The following SMURF1 variants were observed in gnomAD, a reference collection of about 807,000 sequenced individuals.
The protein encoded by SMURF1 is E3 ubiquitin-protein ligase SMURF1.
SMURF1 carries 44 observed loss-of-function variants against 98.0 expected under a neutral mutation model. That is an observed-to-expected ratio of 0.45 (90% confidence interval 0.35 to 0.58). The LOEUF is 0.58. Among genes scored for constraint, SMURF1 ranks in the 20% least tolerant of loss-of-function variants. The pLI, the probability that SMURF1 is intolerant of heterozygous loss-of-function variation, is 0.00. For missense variants in SMURF1, 687 were observed against 938.4 expected (o/e 0.73, Z 3.50); for synonymous variants, 396 against 374.9 (o/e 1.06, Z -0.65).
At chr7:99,127,457 C>T (rs747957881) in intron 1 of SMURF1, among the ~76,000 whole-genome samples, 2 of 151,772 alleles carry the variant, frequency 1.3e-5, no homozygotes, top group Non-Finnish European at 2.9e-5. Context: ...TTTGGAAGGC[C>T]GAGATGGGAG....
At chr7:99,032,619 A>C (rs1794949030) in intron 17 of SMURF1, among the ~76,000 whole-genome samples, 1 of 152,264 alleles carries the variant, frequency 6.6e-6, no homozygotes, top group Non-Finnish European at 1.5e-5. Context: ...CAGTGAGCCG[A>C]GATCGTGCCA....
intron 1 of SMURF1, among the ~76,000 whole-genome samples, chr7:99,133,642 G>C (rs1797923720): frequency 6.6e-6 from 1 of 152,150 alleles, no homozygotes. Flanking sequence ...CCACAGTCCA[G>C]TGACTCTACT....
At chr7:99,047,534 CAGAA>C (rs1795622967) in intron 10 of SMURF1, 146 bp downstream of exon 10, 5 of 767,864 alleles carry the variant, frequency 6.5e-6, no homozygotes, top group Non-Finnish European at 1.0e-5. Context: ...AAATACCAAA[CAGAA>C]AGAAGGGTTC....
At chr7:99,089,968 T>G (rs1033148889) in intron 1 of SMURF1, among the ~76,000 whole-genome samples, 2 of 152,098 alleles carry the variant, frequency 1.3e-5, no homozygotes, top group African/African-American at 4.8e-5. Flanking sequence ...CAAAAATGCT[T>G]AAAGCAAGGG....
Position 99,143,844 on chromosome 7 carries a change from GC to G in SMURF1, c.-65del. 2 of 1,381,972 alleles carry G rather than the reference GC, an allele frequency of 1.4e-6. No individual in the cohort carries two copies. The highest frequency in any genetic ancestry group is 1.9e-6 in the Non-Finnish European group (2 of 1,051,838). 85.6% of individuals were successfully genotyped at this position (1,381,972 alleles called of 1,614,324 possible). On this transcript the variant is annotated 5_prime_UTR_variant, in exon 1 of 18. Coordinates refer to ENST00000361368, the MANE Select transcript of SMURF1 (RefSeq NM_181349.3). ...CCGCCCCCCAGCCCGGCCCGGCCCG[GC>G]CCCGCCGCCGCCGCCTCAAGGTTAC...
chr7:99,075,094 T>G (rs551084465), intron 1 of SMURF1, among the ~76,000 whole-genome samples: 1 of 152,230 alleles, frequency 6.6e-6, no homozygotes, highest in Admixed American at 6.5e-5. Flanking sequence ...AAGTAGTGTT[T>G]TCCTGACTCC....
In SMURF1 at chr7:99,061,806, GTCTT is replaced by G; in HGVS notation, c.83_86del (p.Lys28ThrfsTer26). On this transcript the variant is annotated frameshift_variant, in exon 2 of 18. Transcript: ENST00000361368. LOFTEE classifies it high-confidence loss of function. ...AAATAAGTGTTTACTTACTGAAGAA[GTCTT>G]TCTTTGCAAGGTTCTTGGCACATAA... 1 of 1,603,696 alleles carries G rather than the reference GTCTT, an allele frequency of 6.2e-7. No individual in the cohort carries two copies. The highest frequency in any genetic ancestry group is 1.3e-5 in the African/African-American group (1 of 74,610).
At position 99,030,485 on chromosome 7, in the gene SMURF1, G is replaced by T; in HGVS notation, c.*99C>A. 1.0e-6 allele frequency: 1 copy of T among 993,362 alleles called. No homozygotes were observed. Among genetic ancestry groups the T allele is most frequent in the African/African-American group, 1.6e-5 (1 of 62,296 alleles). 61.5% of individuals were successfully genotyped at this position (993,362 alleles called of 1,614,324 possible). On this transcript the variant is annotated 3_prime_UTR_variant, in exon 18 of 18. Transcript: ENST00000361368. ...CAACCCTTTCCCCTCAGGTGATCTG[G>T]AATTCCAGGGCCTCTGCCAGCTTTG...
chr7:99,059,995 A>G (rs567628758), intron 3 of SMURF1, among the ~76,000 whole-genome samples: 1 of 152,346 alleles, frequency 6.6e-6, no homozygotes, highest in South Asian at 2.1e-4. Flanking sequence ...GGAGTTCACA[A>G]ACTATGGCCT....
chr7:99,093,605 T>C (rs1179838293), intron 1 of SMURF1, among the ~76,000 whole-genome samples: 2 of 149,456 alleles, frequency 1.3e-5, no homozygotes, highest in African/African-American at 5.1e-5. Flanking sequence ...ACGCCTATAA[T>C]TTCCATGCAA....
chr7:99,143,749 G>T lies in SMURF1; in HGVS notation c.32C>A (p.Ser11Tyr). The T allele has an allele frequency of 6.4e-7, 1 of 1,565,186 alleles. No homozygotes were observed. Among genetic ancestry groups the T allele is most frequent in the Non-Finnish European group, 8.6e-7 (1 of 1,158,252 alleles). ...ACCTGTCAGACGGATCTTGATGCTG[G>T]AGCCGTTCCTGCGTGTCCCGGGGTT... MSNPGTRRNG[S>Y]SIKIRLTVLC... Residue 11 changes from serine to tyrosine, a missense_variant, in exon 1 of 18, where the codon TCC becomes TAC. Transcript: ENST00000361368.
intron 5 of SMURF1, among the ~76,000 whole-genome samples, chr7:99,055,808 T>C (rs991274145): frequency 3.2e-4 from 48 of 151,974 alleles, no homozygotes; most frequent in Middle Eastern, 3.4e-3. Flanking sequence ...CCACTACAAA[T>C]ACAAAAAATT....
chr7:99,080,395 G>A (rs1335434046), intron 1 of SMURF1, among the ~76,000 whole-genome samples: 1 of 152,180 alleles, frequency 6.6e-6, no homozygotes, highest in Admixed American at 6.5e-5. Flanking sequence ...TGCCTCCCAG[G>A]TTCAAGTGAT....
intron 1 of SMURF1, among the ~76,000 whole-genome samples, chr7:99,097,479 T>TA: frequency 6.6e-6 from 1 of 152,132 alleles, no homozygotes; most frequent in East Asian, 1.9e-4. Flanking sequence ...TTGATGACAT[T>TA]AAAAAAGGGC....
At chr7:99,109,370 C>T (rs184072076) in intron 1 of SMURF1, among the ~76,000 whole-genome samples, 210 of 152,312 alleles carry the variant, frequency 1.4e-3, no homozygotes, top group African/African-American at 4.7e-3. Flanking sequence ...AAACGCTGAC[C>T]AGATGGGAGC....
intron 1 of SMURF1, among the ~76,000 whole-genome samples, chr7:99,139,328 CCT>C (rs1389609571): frequency 6.6e-6 from 1 of 152,204 alleles, no homozygotes; most frequent in Admixed American, 6.5e-5. Flanking sequence ...TCTCTTTGTT[CCT>C]CTCTGTTTGG....
chr7:99,035,586 C>T lies in SMURF1; in HGVS notation c.1940G>A (p.Arg647Lys). The T allele has an allele frequency of 6.2e-7, 1 of 1,614,218 alleles. No individual in the cohort carries two copies. The highest frequency in any genetic ancestry group is 8.5e-7 in the Non-Finnish European group (1 of 1,180,042). ...CACAAACTGCAGGAGCCTGGCCCTC[C>T]TTTCTTCATCGAACGTCTCCACCGC... ...WQAVETFDEE[R>K]RARLLQFVTG... The change falls in exon 16 of 18, where the codon AGG becomes AAG. Residue 647 changes from arginine to lysine, a missense_variant. Arg to Lys is a conservative substitution (Grantham distance 26). This residue lies in a region of SMURF1 where 272 missense variants were observed against 430.0 expected (regional missense o/e 0.63). Transcript: ENST00000361368.
intron 13 of SMURF1, among the ~76,000 whole-genome samples, chr7:99,039,728 A>AT (rs964628151): frequency 2.0e-5 from 3 of 152,150 alleles, no homozygotes; most frequent in Non-Finnish European, 4.4e-5. Context: ...CATGTGACAC[A>AT]TGGGACACAA....
intron 1 of SMURF1, among the ~76,000 whole-genome samples, chr7:99,132,744 A>G (rs10215809): frequency 0.26 from 39,409 of 151,374 alleles, 6,093 homozygotes; most frequent in African/African-American, 0.43. Flanking sequence ...AATTCATGCA[A>G]AAGCCCTTAA....
Sources: gnomAD v4.1 joint callset for allele counts (sites outside exome capture counted in the v4.1 genomes callset) on GRCh38, gnomAD v4.1.1 for gene constraint, gnomAD v4.1.1 regional missense constraint, MANE v1.5 for transcripts, NCBI Gene and HGNC (gene_info 2026-07-23, HGNC 2026-07-21) for gene names.